The following EFCAB6 variants were observed in gnomAD, a reference collection of about 807,000 sequenced individuals.
EFCAB6 encodes EF-hand calcium-binding domain-containing protein 6.
Under a neutral mutation model 169.8 loss-of-function variants are expected in EFCAB6, and 156 were observed. That is an observed-to-expected ratio of 0.92 (90% CI 0.81 to 1.05). The LOEUF (loss-of-function observed/expected upper bound fraction) is 1.05, where lower values mean the gene tolerates loss of function less well. Ranked by LOEUF, EFCAB6 falls within the 50% of genes least tolerant of loss-of-function variation. The pLI is 0.00. For missense variants in EFCAB6, 1,800 were observed against 1,829.1 expected (o/e 0.98, Z 0.29); for synonymous variants, 698 against 676.4 (o/e 1.03, Z -0.50).
chr22:43,691,595 C>T (rs1463915157), intron 10 of EFCAB6, among the ~76,000 whole-genome samples: 1 of 152,016 alleles, frequency 6.6e-6, no homozygotes, highest in East Asian at 1.9e-4. Flanking sequence ...TATTTAATTA[C>T]ATCAAAATAT....
At chr22:43,609,345 A>G (rs2053146531) in intron 21 of EFCAB6, among the ~76,000 whole-genome samples, 1 of 152,222 alleles carries the variant, frequency 6.6e-6, no homozygotes, top group South Asian at 2.1e-4. Flanking sequence ...AAGAAAAAGG[A>G]TAAAAGGTGT....
intron 24 of EFCAB6, among the ~76,000 whole-genome samples, chr22:43,587,662 C>T (rs1435763725): frequency 6.6e-6 from 1 of 152,214 alleles, no homozygotes; most frequent in Admixed American, 6.5e-5. Context: ...TCCAGATAAT[C>T]CAGGCTCATC....
intron 6 of EFCAB6, among the ~76,000 whole-genome samples, chr22:43,754,007 T>C (rs957509525): frequency 6.6e-6 from 1 of 152,220 alleles, no homozygotes; most frequent in Non-Finnish European, 1.5e-5. Context: ...CATTAGTGTG[T>C]GACCGTTAGA....
intron 19 of EFCAB6, among the ~76,000 whole-genome samples, chr22:43,630,494 G>T (rs994783119): frequency 6.6e-6 from 1 of 152,238 alleles, no homozygotes; most frequent in African/African-American, 2.4e-5. Flanking sequence ...GGCTTCCCAC[G>T]GCCTCCACTG....
At chr22:43,547,865 G>A (rs1364588610) in intron 27 of EFCAB6, among the ~76,000 whole-genome samples, 1 of 152,186 alleles carries the variant, frequency 6.6e-6, no homozygotes, top group Non-Finnish European at 1.5e-5. Flanking sequence ...GCCGAGGCGG[G>A]TAGATCACGA....
At chr22:43,773,842 C>T (rs1035035555) in intron 3 of EFCAB6, among the ~76,000 whole-genome samples, 4 of 152,070 alleles carry the variant, frequency 2.6e-5, no homozygotes, top group Non-Finnish European at 4.4e-5. Flanking sequence ...AGTGAAACTC[C>T]GTCTCAGAAA....
intron 6 of EFCAB6, among the ~76,000 whole-genome samples, chr22:43,741,398 A>C (rs781752377): frequency 3.9e-5 from 6 of 152,034 alleles, no homozygotes; most frequent in Non-Finnish European, 8.8e-5. Flanking sequence ...AAGCTTGCTC[A>C]TGCCTCCCTC....
intron 17 of EFCAB6, among the ~76,000 whole-genome samples, chr22:43,665,850 C>T (rs1203219629): frequency 1.3e-5 from 2 of 152,210 alleles, no homozygotes; most frequent in South Asian, 2.1e-4. Context: ...TGCAGTGGCA[C>T]GATCTCAGCT....
intron 5 of EFCAB6, among the ~76,000 whole-genome samples, chr22:43,764,763 A>C (rs1314708231): frequency 1.3e-5 from 2 of 152,232 alleles, no homozygotes; most frequent in Non-Finnish European, 2.9e-5. Flanking sequence ...CACTAAAATA[A>C]ATAATTTTAC....
chr22:43,808,727 CAG>C (rs376764787), intron 2 of EFCAB6, among the ~76,000 whole-genome samples: 23 of 152,082 alleles, frequency 1.5e-4, no homozygotes, highest in African/African-American at 5.5e-4. Flanking sequence ...AATAAAATAA[CAG>C]AGAAAAAACA....
chr22:43,678,695 A>G (rs2057879600), intron 12 of EFCAB6, among the ~76,000 whole-genome samples: 1 of 152,216 alleles, frequency 6.6e-6, no homozygotes, highest in Non-Finnish European at 1.5e-5. Flanking sequence ...TAAAGAAAAC[A>G]TATTATGAGC....
intron 23 of EFCAB6, among the ~76,000 whole-genome samples, chr22:43,598,129 A>G (rs2052163494): frequency 6.6e-6 from 1 of 151,916 alleles, no homozygotes; most frequent in Non-Finnish European, 1.5e-5. Flanking sequence ...CAACATGGTG[A>G]AGCCCCATCT....
rs868135421 is a variant in EFCAB6, at chr22:43,575,684, G to A, written c.3420+613C>T. ...TAGAAACATCCATCTAAATGGCAAAGATGAAAAAAAAAATCACAAAAACCA... is the reference window on the plus strand; with the variant it reads ...TAGAAACATCCATCTAAATGGCAAAAATGAAAAAAAAAATCACAAAAACCA... On this transcript the variant is annotated intron_variant, in intron 26 of 31. Coordinates refer to ENST00000262726, the MANE Select transcript of EFCAB6 (RefSeq NM_022785.4). Among the ~76,000 whole-genome samples, 13 of 151,698 alleles carry A rather than the reference G, an allele frequency of 8.6e-5. No homozygotes were observed. In the South Asian group the frequency reaches 2.3e-3, roughly 27 times the overall value.
chr22:43,677,714 G>C (rs552990945), intron 13 of EFCAB6, among the ~76,000 whole-genome samples: 1 of 152,226 alleles, frequency 6.6e-6, no homozygotes, highest in East Asian at 1.9e-4. Context: ...ATGGCTGCAA[G>C]AGGAGTGCTG....
At chr22:43,606,397 A>G (rs985988609) in intron 22 of EFCAB6, among the ~76,000 whole-genome samples, 2 of 152,226 alleles carry the variant, frequency 1.3e-5, no homozygotes, top group African/African-American at 4.8e-5. Flanking sequence ...GCGCAGACCC[A>G]GTGTTTAAGA....
chr22:43,603,483 C>T (rs1361625271), intron 22 of EFCAB6, among the ~76,000 whole-genome samples: 1 of 152,258 alleles, frequency 6.6e-6, no homozygotes, highest in Non-Finnish European at 1.5e-5. Context: ...ATTTATGACA[C>T]AATCAGATTA....
At chr22:43,673,047 G>A (rs2057562943) in intron 13 of EFCAB6, among the ~76,000 whole-genome samples, 1 of 152,180 alleles carries the variant, frequency 6.6e-6, no homozygotes, top group South Asian at 2.1e-4. Flanking sequence ...ACCTGCACAG[G>A]TGGGGGTTTC....
chr22:43,691,178 T>C (rs927149684), intron 10 of EFCAB6, among the ~76,000 whole-genome samples: 1 of 152,186 alleles, frequency 6.6e-6, no homozygotes, highest in Non-Finnish European at 1.5e-5. Flanking sequence ...TTTGGCTTCA[T>C]GTACTACTAT....
intron 10 of EFCAB6, among the ~76,000 whole-genome samples, chr22:43,706,391 C>T (rs2058962282): frequency 6.6e-6 from 1 of 152,224 alleles, no homozygotes; most frequent in Non-Finnish European, 1.5e-5. Context: ...CCTGCTGATT[C>T]TTTCCAGAGC....
Sources: allele counts gnomAD v4.1 joint callset (sites outside exome capture counted in the v4.1 genomes callset), GRCh38; gene constraint gnomAD v4.1.1; transcripts MANE v1.5; gene names NCBI Gene and HGNC (gene_info 2026-07-23, HGNC 2026-07-21).